The following CCDC141 variants were observed in gnomAD, a reference collection of about 807,000 sequenced individuals.
CCDC141 encodes coiled-coil domain-containing protein 141.
In CCDC141, 168 loss-of-function variants were observed where a neutral mutation model predicts 181.0. That is an observed-to-expected ratio of 0.93 (90% CI 0.82 to 1.05). CCDC141 has a LOEUF of 1.05. Ranked by LOEUF, CCDC141 falls within the 50% of genes least tolerant of loss-of-function variation. The pLI, the probability that CCDC141 is intolerant of heterozygous loss-of-function variation, is 0.00. For missense variants in CCDC141, 1,902 were observed against 1,788.5 expected (o/e 1.06, Z -1.14); for synonymous variants, 666 against 642.3 (o/e 1.04, Z -0.56).
intron 6 of CCDC141, among the ~76,000 whole-genome samples, chr2:178,922,160 G>A (rs1325065186): frequency 6.6e-6 from 1 of 152,086 alleles, no homozygotes; most frequent in Non-Finnish European, 1.5e-5. Context: ...TCTGCAAGAT[G>A]GTAAGGGTTG....
At chr2:178,957,849 C>T (rs752537708) in intron 5 of CCDC141, among the ~76,000 whole-genome samples, 3 of 152,170 alleles carry the variant, frequency 2.0e-5, no homozygotes, top group Non-Finnish European at 4.4e-5. Context: ...ACCTCAGCCT[C>T]CTGAGTAGCT....
At chr2:178,991,184 CA>C (rs1463771852) in intron 2 of CCDC141, among the ~76,000 whole-genome samples, 1 of 152,140 alleles carries the variant, frequency 6.6e-6, no homozygotes, top group Non-Finnish European at 1.5e-5. Context: ...TATCAAACAG[CA>C]ATACATATTC....
chr2:178,822,428 T>TG, the CCDC141 span, among the ~76,000 whole-genome samples: 1 of 98,778 alleles, frequency 1.0e-5, no homozygotes, highest in African/African-American at 4.1e-5. Flanking sequence ...AAATCCCTCC[T>TG]GAAAAAAAAA....
Position 179,027,852 on chromosome 2 carries a change from C to A in CCDC141, c.225+19432G>T, listed in dbSNP as rs139497440. On this transcript the variant is annotated intron_variant, in intron 2 of 23. Transcript: ENST00000443758. ...AGTCTTGGTATGTCTTTATCAACAG[C>A]GTGAAAACTAGCTAATACACCCTCA... Among the ~76,000 whole-genome samples the A allele has an allele frequency of 5.5e-3, 832 of 152,024 alleles. 9 individuals carry two copies. Among genetic ancestry groups the A allele is most frequent in the African/African-American group, 0.019 (790 of 41,462 alleles).
Position 178,967,804 on chromosome 2 carries a change from T to C in CCDC141, c.527-6321A>G, listed in dbSNP as rs1438682936. ...AAAAGACACATACTGGCAAATCGGG[T>C]AGAGTCAAGGCCCATTAGAGTGCTG... On this transcript the variant is annotated intron_variant, in intron 4 of 23. Transcript: ENST00000443758. 9.9e-5 allele frequency among the ~76,000 whole-genome samples: 15 copies of C among 151,890 alleles called. No homozygotes were observed. In the East Asian group the frequency reaches 2.3e-3, roughly 23 times the overall value.
chr2:178,926,754 A>G (rs1015666337), intron 6 of CCDC141: 2 of 152,226 alleles, frequency 1.3e-5, no homozygotes, highest in African/African-American at 2.4e-5. Flanking sequence ...TGACCATAAT[A>G]TATATTTTCA....
At chr2:179,039,731 T>A in intron 2 of CCDC141, among the ~76,000 whole-genome samples, 1 of 152,202 alleles carries the variant, frequency 6.6e-6, no homozygotes. Context: ...ATTGAACTAC[T>A]AATGTCCTCA....
downstream of CCDC141, among the ~76,000 whole-genome samples, chr2:178,824,830 T>A (rs370612717): frequency 6.6e-6 from 1 of 152,074 alleles, no homozygotes; most frequent in South Asian, 2.1e-4. Flanking sequence ...CTATAATAGG[T>A]ACTTTGTATA....
At chr2:178,973,675 T>C (rs1690997893) in intron 4 of CCDC141, among the ~76,000 whole-genome samples, 1 of 152,186 alleles carries the variant, frequency 6.6e-6, no homozygotes, top group Admixed American at 6.5e-5. Flanking sequence ...AAGCCCCTAC[T>C]TCTACAAGCC....
At chr2:179,015,089 T>TATATATATATATATA (rs1559048616) in intron 2 of CCDC141, among the ~76,000 whole-genome samples, 755 of 47,072 alleles carry the variant, frequency 0.016, 63 homozygotes, top group African/African-American at 0.047. Context: ...TATATATATA[T>TATATATATATATATA]ATATATATAT....
At chr2:179,033,801 G>T (rs2043064165) in intron 2 of CCDC141, among the ~76,000 whole-genome samples, 1 of 152,116 alleles carries the variant, frequency 6.6e-6, no homozygotes, top group African/African-American at 2.4e-5. Flanking sequence ...ACAGGCCTAT[G>T]ATTTCAAAAA....
rs75961568 is a variant in CCDC141 at position 178,890,209 on chromosome 2, T to C, written c.1266-1541A>G. 2.5e-3 allele frequency among the ~76,000 whole-genome samples: 381 copies of C among 152,266 alleles called. 18 individuals are homozygous for C. In the East Asian group the frequency reaches 0.058, roughly 23 times the overall value. ...CTGAAAATGGCAGAAAATGCCATTA[T>C]TGAATAAAAGGAATTTGGAAATGAT... On this transcript the variant is annotated intron_variant, in intron 8 of 23. Transcript: ENST00000443758.
At chr2:178,818,701 C>A in the CCDC141 span, among the ~76,000 whole-genome samples, 3 of 152,134 alleles carry the variant, frequency 2.0e-5, no homozygotes, top group African/African-American at 4.8e-5. Context: ...GGGTTGATTT[C>A]ATGTTTTTGC....
At chr2:178,981,636 GTATATATA>G (rs1193430874) in intron 2 of CCDC141, among the ~76,000 whole-genome samples, 13 of 62,404 alleles carry the variant, frequency 2.1e-4, no homozygotes, top group Admixed American at 1.6e-3. Flanking sequence ...GTGTGTGTGT[GTATATATA>G]TATATATATA....
intron 2 of CCDC141, 86 bp from the exon 3 acceptor site, chr2:178,978,761 A>C: frequency 2.0e-6 from 2 of 1,024,446 alleles, no homozygotes; most frequent in Non-Finnish European, 2.7e-6. Flanking sequence ...GGATAGTAGA[A>C]ATTGCATGTG....
In CCDC141 at chr2:178,978,509, G is replaced by C; in HGVS notation, c.392C>G (p.Ser131Cys). Residue 131 changes from serine (S) to cysteine (C), a missense_variant, in exon 3 of 24, where the codon TCT (serine) becomes TGT (cysteine). Coordinates refer to ENST00000443758, the MANE Select transcript of CCDC141 (RefSeq NM_173648.4). ...ERRTELLRLT[S>C]EFFENALEFA... ...CTCTAAGGCATTTTCAAAAAATTCA[G>C]AAGTCAACCTAAGGAGCTCTGTTCT... is the stretch of plus-strand genomic sequence containing the variant. 6.6e-7 allele frequency: 1 copy of C among 1,505,174 alleles called. No individual in the cohort carries two copies. Among genetic ancestry groups the C allele is most frequent in the Non-Finnish European group, 8.9e-7 (1 of 1,127,834 alleles). The allele number at this position is 1,505,174 out of a possible 1,614,324, so 93.2% of individuals were successfully genotyped here. A position where few individuals can be genotyped will look rare whatever the true frequency, so the allele number is the denominator to read the frequency against.
At position 178,865,759 on chromosome 2, in the gene CCDC141, A is replaced by T. The variant is rs773114841; in HGVS notation, c.2724+8T>A. On this transcript the variant is annotated splice_region_variant and intron_variant, in intron 17 of 23. Transcript: ENST00000443758. ...CAATGTGCCAGTTCTCACCCCTCCCACACCCACCTCATTTATCTCGTCTCT... is the reference window on the plus strand; with the variant it reads ...CAATGTGCCAGTTCTCACCCCTCCCTCACCCACCTCATTTATCTCGTCTCT... The T allele has an allele frequency of 1.3e-6, 2 of 1,485,546 alleles. No individual in the cohort carries two copies. Among genetic ancestry groups the T allele is most frequent in the Admixed American group, 4.5e-5 (2 of 44,204 alleles). The allele number at this position is 1,485,546 out of a possible 1,614,324, so 92.0% of individuals were successfully genotyped here.
chr2:178,909,754 G>C (rs1688139999), intron 7 of CCDC141, among the ~76,000 whole-genome samples: 1 of 152,132 alleles, frequency 6.6e-6, no homozygotes, highest in Non-Finnish European at 1.5e-5. Flanking sequence ...GACTCCCTTT[G>C]TTGCACACAC....
intron 5 of CCDC141, among the ~76,000 whole-genome samples, chr2:178,959,982 T>C (rs931241926): frequency 3.3e-5 from 5 of 152,198 alleles, no homozygotes; most frequent in African/African-American, 1.2e-4. Context: ...TCTTAACTGG[T>C]ATTAATTTGG....
Sources: gnomAD v4.1 joint callset for allele counts (sites outside exome capture counted in the v4.1 genomes callset) on GRCh38, gnomAD v4.1.1 for gene constraint, MANE v1.5 for transcripts, NCBI Gene and HGNC (gene_info 2026-07-23, HGNC 2026-07-21) for gene names.